The following CCDC102B variants were observed in gnomAD, a reference collection of about 807,000 sequenced individuals.
CCDC102B encodes the protein coiled-coil domain-containing protein 102B.
A neutral mutation model predicts 57.4 loss-of-function variants in CCDC102B; 75 were observed. That is an observed-to-expected ratio of 1.31 (90% confidence interval 1.08 to 1.58). The LOEUF is 1.58. CCDC102B is among the 40% of genes most tolerant of loss of function. The probability of loss-of-function intolerance (pLI) is 0.00; values close to 1 mark genes in which losing one functional copy is unlikely to be tolerated. For synonymous variants in CCDC102B, 206 were observed against 201.9 expected (o/e 1.02, Z -0.17); for missense variants, 636 against 582.6 (o/e 1.09, Z -0.94).
chr18:69,044,478 A>G (rs1444545405), intron 7 of CCDC102B, among the ~76,000 whole-genome samples: 1 of 152,148 alleles, frequency 6.6e-6, no homozygotes, highest in Non-Finnish European at 1.5e-5. Flanking sequence ...AAATTCAGTA[A>G]GTATTTTCCC....
At chr18:68,816,482 T>C (rs2036481434) in intron 1 of CCDC102B, among the ~76,000 whole-genome samples, 2 of 99,770 alleles carry the variant, frequency 2.0e-5, no homozygotes, top group Non-Finnish European at 3.8e-5. Flanking sequence ...TTTTTTTTTT[T>C]TGAGACGGAG....
chr18:68,902,783 T>C (rs2040499568), intron 6 of CCDC102B, among the ~76,000 whole-genome samples: 2 of 152,206 alleles, frequency 1.3e-5, no homozygotes, highest in African/African-American at 4.8e-5. Flanking sequence ...AGAAAAGCCT[T>C]TCCTGATCTA....
At chr18:68,817,596 G>A (rs898270351) in intron 1 of CCDC102B, among the ~76,000 whole-genome samples, 1 of 152,198 alleles carries the variant, frequency 6.6e-6, no homozygotes, top group African/African-American at 2.4e-5. Context: ...TTTTGAAGCA[G>A]GCCCAGACAA....
chr18:68,980,093 G>A (rs1323023641), intron 6 of CCDC102B, among the ~76,000 whole-genome samples: 4 of 151,796 alleles, frequency 2.6e-5, no homozygotes, highest in Non-Finnish European at 5.9e-5. Context: ...TTGAAACAGT[G>A]GCCACTTTTA....
intron 2 of CCDC102B, among the ~76,000 whole-genome samples, chr18:68,785,562 GT>G (rs1430619791): frequency 1.3e-5 from 2 of 150,634 alleles, no homozygotes; most frequent in South Asian, 2.1e-4. Context: ...TTTGATTTAC[GT>G]TTCTCTGATG....
rs57226048 is a variant in CCDC102B at position 69,022,193 on chromosome 18, C to CTATA, written c.1434+11116_1434+11119dup. Among the ~76,000 whole-genome samples the CTATA allele has an allele frequency of 2.9e-4, 41 of 142,082 alleles. 1 individual carries two copies. Among genetic ancestry groups the CTATA allele is most frequent in the African/African-American group, 1.1e-3 (40 of 35,006 alleles). The allele number at this position is 142,082 out of a possible 152,430, so 93.2% of individuals were successfully genotyped here. A position where few individuals can be genotyped will look rare whatever the true frequency, so the allele number is the denominator to read the frequency against. The stretch of plus-strand genomic sequence containing the variant: ...TTTATTAGACCCATTATCCTTTAGC[C>CTATA]TATATATATATATATATATATATAT... On this transcript the variant is annotated intron_variant, in intron 7 of 7. Transcript: ENST00000360242.
At chr18:69,057,450 G>A (rs1221510946), downstream of CCDC102B, among the ~76,000 whole-genome samples, 1 of 151,952 alleles carries the variant, frequency 6.6e-6, no homozygotes, top group Admixed American at 6.6e-5. Context: ...CATCTGGGGT[G>A]AGGAATACAG....
At chr18:68,736,351 G>A (rs1465112687) in intron 2 of CCDC102B, among the ~76,000 whole-genome samples, 2 of 152,138 alleles carry the variant, frequency 1.3e-5, no homozygotes, top group African/African-American at 4.8e-5. Context: ...TCCAGGAATG[G>A]CATCTGTGAA....
Position 68,958,743 on chromosome 18 carries a change from C to T in CCDC102B, c.1264-52191C>T, listed in dbSNP as rs146380962. 1.2e-3 allele frequency among the ~76,000 whole-genome samples: 184 copies of T among 152,140 alleles called. 1 individual carries two copies. The highest frequency in any genetic ancestry group is 1.5e-3 in the South Asian group (7 of 4,822). On this transcript the variant is annotated intron_variant, in intron 6 of 7. Coordinates refer to ENST00000360242, the MANE Select transcript of CCDC102B (RefSeq NM_024781.3). ...TTTACACATAGCCTGTCTTTAAGCT[C>T]ATTAGTTCTTTCTTCTGTTTGTTCA...
At chr18:68,957,433 A>T (rs1335010523) in intron 6 of CCDC102B, among the ~76,000 whole-genome samples, 1 of 151,226 alleles carries the variant, frequency 6.6e-6, no homozygotes, top group African/African-American at 2.4e-5. Context: ...AGAGGTATAG[A>T]TTTATTTCTG....
chr18:68,719,895 A>C (rs2032233433), intron 2 of CCDC102B, among the ~76,000 whole-genome samples: 2 of 152,198 alleles, frequency 1.3e-5, no homozygotes, highest in African/African-American at 4.8e-5. Context: ...GGCCCATTTC[A>C]CTTGTGAACA....
intron 6 of CCDC102B, among the ~76,000 whole-genome samples, chr18:68,947,612 T>A (rs574992967): frequency 3.9e-5 from 6 of 152,244 alleles, no homozygotes; most frequent in African/African-American, 1.4e-4. Context: ...CTTTCTGAAA[T>A]GGTTTTCTCA....
rs536798139 is a variant in CCDC102B at position 68,941,466 on chromosome 18, A to C, written c.1263+44038A>C. ...CTGTACTATAATCAAGGTTATGAGG[A>C]AAATAACTTTATAAAATGTACTTGC... On this transcript the variant is annotated intron_variant, in intron 6 of 7. Transcript: ENST00000360242. Among the ~76,000 whole-genome samples the C allele has an allele frequency of 5.3e-5, 8 of 152,168 alleles. No individual in the cohort carries two copies. The East Asian group carries it at 1.4e-3, about 26-fold the overall frequency.
intron 6 of CCDC102B, among the ~76,000 whole-genome samples, chr18:68,920,151 G>T (rs557115869): frequency 1.3e-5 from 2 of 151,964 alleles, no homozygotes; most frequent in Non-Finnish European, 2.9e-5. Context: ...AGTGTGTGTT[G>T]TTCCCTTCTA....
chr18:68,921,610 C>T (rs989450395), intron 6 of CCDC102B, among the ~76,000 whole-genome samples: 1 of 152,174 alleles, frequency 6.6e-6, no homozygotes, highest in Non-Finnish European at 1.5e-5. Flanking sequence ...ATAAGCAGGA[C>T]TTGACCTGCC....
chr18:68,934,612 T>G, intron 6 of CCDC102B, among the ~76,000 whole-genome samples: 1 of 151,818 alleles, frequency 6.6e-6, no homozygotes, highest in East Asian at 1.9e-4. Flanking sequence ...TACACACATA[T>G]AAAAACAGAT....
intron 1 of CCDC102B, among the ~76,000 whole-genome samples, chr18:68,807,869 A>T (rs2036088706): frequency 1.3e-5 from 2 of 150,784 alleles, no homozygotes; most frequent in South Asian, 4.2e-4. Flanking sequence ...ATAAACACTT[A>T]AAAAAAAAGA....
chr18:68,825,077 A>G (rs990362413), intron 1 of CCDC102B, among the ~76,000 whole-genome samples: 4 of 152,134 alleles, frequency 2.6e-5, no homozygotes, highest in Non-Finnish European at 5.9e-5. Context: ...TCATTGTTAG[A>G]TGCCAAATAG....
At chr18:68,790,091 G>A (rs1251567480) in intron 2 of CCDC102B, among the ~76,000 whole-genome samples, 3 of 148,904 alleles carry the variant, frequency 2.0e-5, no homozygotes, top group Non-Finnish European at 2.9e-5. Flanking sequence ...ACCCTGCCAT[G>A]TGAGGTGTCA....
Sources: allele counts gnomAD v4.1 joint callset (sites outside exome capture counted in the v4.1 genomes callset), GRCh38; gene constraint gnomAD v4.1.1; transcripts MANE v1.5; gene names NCBI Gene and HGNC (gene_info 2026-07-23, HGNC 2026-07-21).